Variants in BPTF observed in about 807,000 individuals in gnomAD.
BPTF encodes bromodomain PHD finger transcription factor, also known as nucleosome-remodeling factor subunit BPTF.
A neutral mutation model predicts 292.5 loss-of-function variants in BPTF; 18 were observed. The observed-to-expected ratio is 0.06, with a 90% CI of 0.04 to 0.09. The LOEUF is 0.09. Ranked by LOEUF, BPTF falls within the 10% of genes least tolerant of loss-of-function variation. The pLI is 1.00. For missense variants in BPTF, 2,726 were observed against 3,498.7 expected, an observed-to-expected ratio of 0.78 and a Z score of 5.57; for synonymous variants, 1,225 against 1,251.9, an observed-to-expected ratio of 0.98 and a Z score of 0.45.
At chr17:67,890,831 T>C (rs1200733009) in intron 4 of BPTF, among the ~76,000 whole-genome samples, 2 of 152,228 alleles carry the variant, frequency 1.3e-5, no homozygotes, top group African/African-American at 2.4e-5. Flanking sequence ...ATATATCATA[T>C]AGTAAATTAT....
intron 16 of BPTF, 95 bp downstream of exon 16, chr17:67,928,696 T>A: frequency 7.0e-7 from 1 of 1,419,024 alleles, no homozygotes; most frequent in Non-Finnish European, 9.4e-7. Flanking sequence ...TTTAGAAGAT[T>A]GTTTTTCTTT....
chr17:67,975,051 A>T (rs1555693094), intron 26 of BPTF: 1 of 152,200 alleles, frequency 6.6e-6, no homozygotes, highest in African/African-American at 2.4e-5. Flanking sequence ...ACCAGTCATT[A>T]ACATATAAAA....
intron 3 of BPTF, among the ~76,000 whole-genome samples, chr17:67,871,441 CAAAAAAA>C (rs751011017): frequency 8.7e-5 from 7 of 80,146 alleles, no homozygotes; most frequent in Admixed American, 5.7e-4. Context: ...ACTTTGTCTC[CAAAAAAA>C]AAAAAAAAAA....
At chr17:67,933,326 T>C (rs950402975) in intron 18 of BPTF, among the ~76,000 whole-genome samples, 1 of 151,362 alleles carries the variant, frequency 6.6e-6, no homozygotes, top group African/African-American at 2.4e-5. Context: ...TCCCAAAACT[T>C]TGGGAGGCTG....
At chr17:67,844,105 A>G (rs1598185918) in intron 1 of BPTF, among the ~76,000 whole-genome samples, 2 of 87,842 alleles carry the variant, frequency 2.3e-5, no homozygotes, top group Admixed American at 1.6e-4. Context: ...TTTAAGATGG[A>G]GTCTCACTCT....
chr17:67,954,495 TCA>T (rs1399153670), intron 23 of BPTF, among the ~76,000 whole-genome samples: 4 of 152,136 alleles, frequency 2.6e-5, no homozygotes, highest in Non-Finnish European at 5.9e-5. Context: ...TATCACTGCC[TCA>T]CACACAGCAT....
chr17:67,879,153 T>C (rs940643557), intron 4 of BPTF, among the ~76,000 whole-genome samples: 5 of 92,070 alleles, frequency 5.4e-5, no homozygotes, highest in Non-Finnish European at 1.1e-4. Flanking sequence ...TTTTTTTTTT[T>C]CTTTTTGAGA....
At chr17:67,929,582 CT>C in intron 17 of BPTF, 95 bp downstream of exon 17, 1 of 1,405,184 alleles carries the variant, frequency 7.1e-7, no homozygotes, top group Non-Finnish European at 9.6e-7. Context: ...ACTCAGTTTC[CT>C]TTGCCTATTA....
intron 14 of BPTF, 124 bp from the exon 15 acceptor site, chr17:67,924,423 T>C: frequency 1.9e-6 from 2 of 1,043,198 alleles, no homozygotes; most frequent in South Asian, 3.2e-5. Context: ...CCAAATGTTT[T>C]ATTTTTAAAT....
Position 67,916,902 on chromosome 17 carries a change from A to G in BPTF, c.5304-1812A>G, listed in dbSNP as rs78177507. Among the ~76,000 whole-genome samples, 1,224 of 152,130 alleles carry G rather than the reference A, an allele frequency of 8.0e-3. 24 individuals are homozygous for G. The highest frequency in any genetic ancestry group is 0.028 in the African/African-American group (1,175 of 41,508). ...TACACCATAATCAACCACTAAGTTC[A>G]TTTAAGTAGAGTGAAAATGTCAACA... is the stretch of plus-strand genomic sequence containing the variant. On this transcript the variant is annotated intron_variant, in intron 11 of 27. Transcript: ENST00000306378.
intron 20 of BPTF, 86 bp from the exon 21 acceptor site, chr17:67,945,323 A>G (rs993979383): frequency 5.9e-5 from 90 of 1,531,024 alleles, no homozygotes; most frequent in Non-Finnish European, 7.4e-5. Flanking sequence ...AGAATTCTCA[A>G]CTTCAGAAGA....
At chr17:67,934,024 A>G (rs902194529) in intron 18 of BPTF, among the ~76,000 whole-genome samples, 2 of 152,194 alleles carry the variant, frequency 1.3e-5, no homozygotes, top group African/African-American at 4.8e-5. Flanking sequence ...AACGTGGGCA[A>G]CAAGAGTGAA....
intron 1 of BPTF, among the ~76,000 whole-genome samples, chr17:67,845,788 T>A (rs2057985076): frequency 6.7e-6 from 1 of 149,478 alleles, no homozygotes; most frequent in African/African-American, 2.4e-5. Context: ...ATATATATTT[T>A]ATTTTATATA....
At chr17:67,901,305 A>G (rs1180125980) in intron 7 of BPTF, among the ~76,000 whole-genome samples, 5 of 115,510 alleles carry the variant, frequency 4.3e-5, no homozygotes. Flanking sequence ...AAGAATTGTT[A>G]AAAAAAAAAA....
chr17:67,925,086 C>T (rs1247552922), intron 15 of BPTF, among the ~76,000 whole-genome samples: 10 of 146,460 alleles, frequency 6.8e-5, no homozygotes, highest in East Asian at 4.0e-4. Flanking sequence ...GTGTATCTCA[C>T]GTCTATCTTA....
intron 26 of BPTF, among the ~76,000 whole-genome samples, chr17:67,968,916 G>GGTTGCATTGAGCCGAGATCGCGCC (rs2068444894): frequency 6.6e-6 from 1 of 151,272 alleles, no homozygotes; most frequent in Non-Finnish European, 1.5e-5. Context: ...GGAAGGCAGA[G>GGTTGCATTGAGCCGAGATCGCGCC]GTTGCATTGA....
chr17:67,869,827 C>CAAAAAAAA (rs772941425), intron 3 of BPTF, among the ~76,000 whole-genome samples: 721 of 56,346 alleles, frequency 0.013, no homozygotes, highest in East Asian at 0.018. Flanking sequence ...ACTAAAAATA[C>CAAAAAAAA]AAAAAAAAAA....
intron 4 of BPTF, among the ~76,000 whole-genome samples, chr17:67,878,140 A>G (rs950866196): frequency 5.3e-5 from 8 of 152,170 alleles, no homozygotes; most frequent in Non-Finnish European, 1.0e-4. Context: ...TACTGGAACC[A>G]TACAGTATAT....
chr17:67,937,403 G>C (rs1186845758), intron 18 of BPTF, among the ~76,000 whole-genome samples: 1 of 151,628 alleles, frequency 6.6e-6, no homozygotes, highest in Non-Finnish European at 1.5e-5. Flanking sequence ...AGAAAGAAAA[G>C]TACTTAGAAA....
Sources: allele counts gnomAD v4.1 joint callset (sites outside exome capture counted in the v4.1 genomes callset), GRCh38; gene constraint gnomAD v4.1.1; transcripts MANE v1.5; gene names NCBI Gene and HGNC (gene_info 2026-07-23, HGNC 2026-07-21).